AUH: variants seen among roughly 807,000 people sequenced by gnomAD.
AUH encodes methylglutaconyl-CoA hydratase, mitochondrial.
Under a neutral mutation model 42.3 loss-of-function variants are expected in AUH, and 29 were observed. The observed-to-expected ratio is 0.69, with a 90% CI of 0.51 to 0.93. AUH has a LOEUF of 0.93. Ranked by LOEUF, AUH falls within the 40% of genes least tolerant of loss-of-function variation. The pLI, the probability that AUH is intolerant of heterozygous loss-of-function variation, is 0.00. For missense variants in AUH, 452 were observed against 438.1 expected (o/e 1.03, Z -0.28); for synonymous variants, 174 against 166.4 (o/e 1.05, Z -0.35).
chr9:91,271,711 G>A (rs760911922), intron 6 of AUH, among the ~76,000 whole-genome samples: 7 of 152,084 alleles, frequency 4.6e-5, no homozygotes, highest in Non-Finnish European at 7.4e-5. Flanking sequence ...GAGAAGTTTC[G>A]CTTTTGTTGC....
Position 91,268,173 on chromosome 9 carries a change from C to T in AUH, c.655+27848G>A, listed in dbSNP as rs115422040. On this transcript the variant is annotated intron_variant, in intron 6 of 9. Transcript: ENST00000375731. ...CTTTTTACCATTAAAACTTTATTCA[C>T]GCAGAAACAGTTTTCTTTTATACAT... Among the ~76,000 whole-genome samples the T allele has an allele frequency of 3.0e-3, 462 of 152,308 alleles. 5 individuals carry two copies. Among genetic ancestry groups the T allele is most frequent in the African/African-American group, 0.011 (440 of 41,560 alleles).
chr9:91,243,826 C>T (rs1828646873), intron 6 of AUH, among the ~76,000 whole-genome samples: 1 of 152,084 alleles, frequency 6.6e-6, no homozygotes, highest in South Asian at 2.1e-4. Flanking sequence ...TTGACTATAA[C>T]TAAAGCTATA....
intron 4 of AUH, among the ~76,000 whole-genome samples, chr9:91,319,830 C>T (rs1829433051): frequency 6.6e-6 from 1 of 152,140 alleles, no homozygotes; most frequent in African/African-American, 2.4e-5. Context: ...CATATAAAAC[C>T]CCAATTCAAA....
At chr9:91,284,267 A>G (rs1183529930) in intron 6 of AUH, among the ~76,000 whole-genome samples, 6 of 152,230 alleles carry the variant, frequency 3.9e-5, no homozygotes, top group Non-Finnish European at 8.8e-5. Flanking sequence ...CATATGTAGA[A>G]GGCTGAAACT....
chr9:91,279,171 C>T (rs1185294790), intron 6 of AUH, among the ~76,000 whole-genome samples: 2 of 152,104 alleles, frequency 1.3e-5, no homozygotes, highest in African/African-American at 4.8e-5. Context: ...CGCAAACAAC[C>T]ATTAAGTAAC....
chr9:91,283,650 C>T (rs1470369556), intron 6 of AUH, among the ~76,000 whole-genome samples: 1 of 152,164 alleles, frequency 6.6e-6, no homozygotes, highest in Non-Finnish European at 1.5e-5. Context: ...AAATCACAAG[C>T]ATTCCTATAC....
chr9:91,221,129 T>G lies in AUH; in HGVS notation c.656-137A>C. On this transcript the variant is annotated intron_variant, in intron 6 of 9. Coordinates refer to ENST00000375731, the MANE Select transcript of AUH (RefSeq NM_001698.3). ...TTAAAATTAGTAGCTGGAAAACTAC[T>G]TCAGAACAGAATCTAATTTCTTAAT... 3.2e-6 allele frequency: 3 copies of G among 942,314 alleles called. No individual in the cohort carries two copies. The South Asian group carries it at 4.6e-5, about 14-fold the overall frequency. 58.4% of individuals were successfully genotyped at this position (942,314 alleles called of 1,614,324 possible).
At chr9:91,247,334 C>T (rs1254463166) in intron 6 of AUH, among the ~76,000 whole-genome samples, 1 of 152,136 alleles carries the variant, frequency 6.6e-6, no homozygotes, top group Non-Finnish European at 1.5e-5. Context: ...AGCACCATTC[C>T]CCTTCCCTGC....
chr9:91,298,572 G>C (rs373359823), intron 4 of AUH, among the ~76,000 whole-genome samples: 1 of 152,194 alleles, frequency 6.6e-6, no homozygotes. Context: ...GCATTGGCCC[G>C]TGAGCTGTCA....
At chr9:91,278,377 A>G (rs1825712017) in intron 6 of AUH, among the ~76,000 whole-genome samples, 1 of 152,168 alleles carries the variant, frequency 6.6e-6, no homozygotes, top group African/African-American at 2.4e-5. Context: ...AACACTGAGG[A>G]TTTTTTTTCC....
chr9:91,258,259 C>T (rs1158781633), intron 6 of AUH, among the ~76,000 whole-genome samples: 3 of 152,098 alleles, frequency 2.0e-5, no homozygotes. Flanking sequence ...TGGAGTTTCA[C>T]TCTTATACTC....
chr9:91,318,737 T>C (rs1487297291), intron 4 of AUH, among the ~76,000 whole-genome samples: 1 of 152,232 alleles, frequency 6.6e-6, no homozygotes, highest in Non-Finnish European at 1.5e-5. Flanking sequence ...GGATAAGCCA[T>C]AGGAGCAAGT....
At position 91,361,902 on chromosome 9, in the gene AUH, C is replaced by T. The variant is rs747993826; in HGVS notation, c.-13G>A. On this transcript the variant is annotated 5_prime_UTR_variant, in exon 1 of 10. Transcript: ENST00000375731. ...CCGCGGCCGCCATGTTGTCTGTTTA[C>T]GGCGTGGACCTGCGACGGCCGCTCC... The T allele has an allele frequency of 4.5e-5, 64 of 1,414,852 alleles. No individual in the cohort carries two copies. In the African/African-American group the frequency reaches 9.1e-4, roughly 20 times the overall value. 87.6% of individuals were successfully genotyped at this position (1,414,852 alleles called of 1,614,324 possible).
rs533246215 is a variant in AUH, at chr9:91,317,961, G to A, written c.505+7357C>T. On this transcript the variant is annotated intron_variant, in intron 4 of 9. Transcript: ENST00000375731. ...GTGGAAACCACCATTGCCTTCCTGG[G>A]AAAGCCCAATTTGGTCTTTTGTTAC... Among the ~76,000 whole-genome samples the A allele has an allele frequency of 3.3e-5, 5 of 152,306 alleles. No homozygotes were observed. The East Asian group carries it at 9.6e-4, about 29-fold the overall frequency.
intron 6 of AUH, among the ~76,000 whole-genome samples, chr9:91,248,065 T>A (rs2131371510): frequency 6.6e-6 from 1 of 152,364 alleles, no homozygotes; most frequent in Non-Finnish European, 1.5e-5. Flanking sequence ...GTTCTTGGTG[T>A]CTCATCTAAG....
chr9:91,220,753 G>A (rs1827083666), intron 7 of AUH, 52 bp downstream of exon 7: 1 of 1,596,020 alleles, frequency 6.3e-7, no homozygotes, highest in Non-Finnish European at 8.6e-7. Context: ...TAGTCAAAGT[G>A]TTATAATGTT....
chr9:91,230,691 A>G (rs1827818594), intron 6 of AUH, among the ~76,000 whole-genome samples: 1 of 151,930 alleles, frequency 6.6e-6, no homozygotes, highest in African/African-American at 2.4e-5. Flanking sequence ...GGTTTTATCT[A>G]CTTTTGGTCT....
intron 6 of AUH, among the ~76,000 whole-genome samples, chr9:91,264,003 C>G (rs1304319047): frequency 6.6e-6 from 1 of 152,142 alleles, no homozygotes; most frequent in Non-Finnish European, 1.5e-5. Context: ...CTTCCACAAC[C>G]CACCTTAGGT....
At chr9:91,328,664 T>A (rs1034621715) in intron 3 of AUH, among the ~76,000 whole-genome samples, 3 of 152,126 alleles carry the variant, frequency 2.0e-5, no homozygotes, top group African/African-American at 7.2e-5. Flanking sequence ...GAGAGCCCAC[T>A]AAAGGGACTC....
Sources: gnomAD v4.1 joint callset for allele counts (sites outside exome capture counted in the v4.1 genomes callset) on GRCh38, gnomAD v4.1.1 for gene constraint, MANE v1.5 for transcripts, NCBI Gene and HGNC (gene_info 2026-07-23, HGNC 2026-07-21) for gene names.